Variants in CACNA2D3 observed in about 807,000 individuals in gnomAD.
CACNA2D3 encodes the protein voltage-dependent calcium channel subunit alpha-2/delta-3.
In CACNA2D3, 60 loss-of-function variants were observed where a neutral mutation model predicts 160.6. That is an observed-to-expected ratio of 0.37 (90% CI 0.30 to 0.46). The LOEUF (loss-of-function observed/expected upper bound fraction) is 0.46. Ranked by LOEUF, CACNA2D3 falls within the 20% of genes least tolerant of loss-of-function variation. The pLI is 1.00. For synonymous variants in CACNA2D3, 558 were observed against 492.9 expected (o/e 1.13, Z -1.75); for missense variants, 1,205 against 1,365.0 (o/e 0.88, Z 1.85).
chr3:54,185,696 A>G (rs377306101), intron 2 of CACNA2D3, among the ~76,000 whole-genome samples: 1 of 152,194 alleles, frequency 6.6e-6, no homozygotes, highest in Non-Finnish European at 1.5e-5. Flanking sequence ...GTTGTGTGAA[A>G]GCAGCCATAG....
chr3:54,617,383 C>G (rs1278887532), intron 9 of CACNA2D3, among the ~76,000 whole-genome samples: 1 of 152,090 alleles, frequency 6.6e-6, no homozygotes, highest in Non-Finnish European at 1.5e-5. Flanking sequence ...AGGACTTTCC[C>G]CATTTCTCCC....
chr3:54,554,870 C>CTTTTTTTTTTTTTT (rs66526065), intron 5 of CACNA2D3, among the ~76,000 whole-genome samples: 7 of 96,164 alleles, frequency 7.3e-5, no homozygotes, highest in African/African-American at 1.7e-4. Context: ...CTCTCACTCT[C>CTTTTTTTTTTTTTT]TTTTTTTTTT....
chr3:54,490,754 G>T (rs1701096461), intron 4 of CACNA2D3, among the ~76,000 whole-genome samples: 1 of 152,146 alleles, frequency 6.6e-6, no homozygotes, highest in Non-Finnish European at 1.5e-5. Context: ...ATGAGGGAAA[G>T]GTTCAAAGAA....
intron 4 of CACNA2D3, among the ~76,000 whole-genome samples, chr3:54,491,826 T>C (rs545612795): frequency 9.2e-5 from 14 of 152,166 alleles, no homozygotes; most frequent in South Asian, 6.2e-4. Context: ...GCAGAAAAAG[T>C]TTGCCAACCT....
intron 11 of CACNA2D3, among the ~76,000 whole-genome samples, chr3:54,741,604 A>AT (rs1701651050): frequency 6.7e-6 from 1 of 150,184 alleles, no homozygotes; most frequent in African/African-American, 2.4e-5. Context: ...AGAAAAATAA[A>AT]AAAAAAAAAG....
At chr3:54,608,363 TAGC>T (rs1211929029) in intron 9 of CACNA2D3, among the ~76,000 whole-genome samples, 1 of 152,236 alleles carries the variant, frequency 6.6e-6, no homozygotes, top group Non-Finnish European at 1.5e-5. Flanking sequence ...ATTCCCCTAA[TAGC>T]AGCTAATAAT....
chr3:54,744,174 C>A (rs1188900728), intron 11 of CACNA2D3, among the ~76,000 whole-genome samples: 3 of 152,198 alleles, frequency 2.0e-5, no homozygotes, highest in Non-Finnish European at 2.9e-5. Flanking sequence ...TAGCTGATAT[C>A]TGCTCTGCAC....
intron 3 of CACNA2D3, among the ~76,000 whole-genome samples, chr3:54,351,004 T>TTTTTTTTTTTTTTTTTTTTTG: frequency 7.6e-6 from 1 of 131,188 alleles, no homozygotes; most frequent in Admixed American, 8.3e-5. Flanking sequence ...TTTTTTTTTT[T>TTTTTTTTTTTTTTTTTTTTTG]TTGAGACAGA....
At chr3:54,782,918 G>T (rs986831845) in intron 13 of CACNA2D3, among the ~76,000 whole-genome samples, 1 of 152,166 alleles carries the variant, frequency 6.6e-6, no homozygotes, top group East Asian at 1.9e-4. Flanking sequence ...ACTAAGAGCT[G>T]CCATTATGGG....
intron 14 of CACNA2D3, among the ~76,000 whole-genome samples, chr3:54,822,792 TTTCTTTC>T (rs1559595633): frequency 1.7e-3 from 99 of 59,248 alleles, no homozygotes; most frequent in Non-Finnish European, 2.2e-3. Flanking sequence ...CTTTCTTTCC[TTTCTTTC>T]TTTCTTTCTT....
chr3:54,327,653 T>C (rs946457074), intron 3 of CACNA2D3, among the ~76,000 whole-genome samples: 1 of 152,166 alleles, frequency 6.6e-6, no homozygotes. Flanking sequence ...GTAATACATA[T>C]TCATCGTGAA....
At chr3:54,489,929 A>G (rs745464281) in intron 4 of CACNA2D3, among the ~76,000 whole-genome samples, 25 of 152,118 alleles carry the variant, frequency 1.6e-4, no homozygotes, top group South Asian at 6.2e-4. Flanking sequence ...TTTTTCACAT[A>G]TGAGGAGAAA....
At chr3:54,420,057 C>T (rs1197616473) in intron 4 of CACNA2D3, among the ~76,000 whole-genome samples, 3 of 151,992 alleles carry the variant, frequency 2.0e-5, no homozygotes, top group Non-Finnish European at 4.4e-5. Context: ...TGAGCTACTG[C>T]ACCCGGCCTA....
At chr3:55,037,795 C>G (rs1013469579) in intron 35 of CACNA2D3, among the ~76,000 whole-genome samples, 3 of 152,164 alleles carry the variant, frequency 2.0e-5, no homozygotes, top group African/African-American at 7.2e-5. Flanking sequence ...CTGGCGTTAA[C>G]CATATTTTTA....
intron 17 of CACNA2D3, among the ~76,000 whole-genome samples, chr3:54,849,397 C>T (rs898269063): frequency 2.6e-5 from 4 of 152,186 alleles, no homozygotes; most frequent in African/African-American, 4.8e-5. Flanking sequence ...CCTTCCTTAA[C>T]CACCAGTCCC....
At chr3:54,355,308 G>T (rs1040650602) in intron 3 of CACNA2D3, among the ~76,000 whole-genome samples, 1 of 152,194 alleles carries the variant, frequency 6.6e-6, no homozygotes, top group Non-Finnish European at 1.5e-5. Flanking sequence ...AGTGTTTCCA[G>T]CAGGAGGAGA....
At chr3:54,744,118 G>A (rs1559566582) in intron 11 of CACNA2D3, among the ~76,000 whole-genome samples, 1 of 152,134 alleles carries the variant, frequency 6.6e-6, no homozygotes, top group Non-Finnish European at 1.5e-5. Context: ...GTCCCTCTAT[G>A]TAGAGGACTC....
intron 11 of CACNA2D3, among the ~76,000 whole-genome samples, chr3:54,709,956 C>G (rs1700925966): frequency 1.3e-5 from 2 of 152,138 alleles, no homozygotes; most frequent in Non-Finnish European, 2.9e-5. Context: ...CGCCTACCAC[C>G]TGGTAGAGGT....
At chr3:54,492,774 T>C (rs1701131243) in intron 4 of CACNA2D3, among the ~76,000 whole-genome samples, 1 of 152,184 alleles carries the variant, frequency 6.6e-6, no homozygotes, top group Non-Finnish European at 1.5e-5. Context: ...TCCCTGTATT[T>C]CCCAAACTTT....
Sources: gnomAD v4.1 joint callset for allele counts (sites outside exome capture counted in the v4.1 genomes callset) on GRCh38, gnomAD v4.1.1 for gene constraint, MANE v1.5 for transcripts, NCBI Gene and HGNC (gene_info 2026-07-23, HGNC 2026-07-21) for gene names.